The following CACNB2 variants were observed in gnomAD, a reference collection of about 807,000 sequenced individuals.
CACNB2 encodes calcium voltage-gated channel auxiliary subunit beta 2, also known as voltage-dependent L-type calcium channel subunit beta-2.
Under a neutral mutation model 73.3 loss-of-function variants are expected in CACNB2, and 42 were observed. The observed-to-expected ratio is 0.57, with a 90% confidence interval of 0.45 to 0.74. CACNB2 has a LOEUF of 0.74. Ranked by LOEUF, CACNB2 falls within the 30% of genes least tolerant of loss-of-function variation. CACNB2 has a pLI of 0.00. For synonymous variants in CACNB2, 348 were observed against 310.3 expected (o/e 1.12, Z -1.28); for missense variants, 940 against 853.0 (o/e 1.10, Z -1.27).
intron 2 of CACNB2, among the ~76,000 whole-genome samples, chr10:18,212,591 A>AT (rs1253260225): frequency 6.6e-6 from 1 of 151,922 alleles, no homozygotes; most frequent in Non-Finnish European, 1.5e-5. Context: ...TACTGCTAAT[A>AT]TTTTTTTAAA....
At chr10:18,373,215 G>A (rs572031018) in intron 2 of CACNB2, among the ~76,000 whole-genome samples, 1 of 152,226 alleles carries the variant, frequency 6.6e-6, no homozygotes, top group South Asian at 2.1e-4. Context: ...TGTGTTAGAG[G>A]CAGAAACTTA....
chr10:18,205,674 T>C (rs2035058907), intron 2 of CACNB2, among the ~76,000 whole-genome samples: 4 of 152,200 alleles, frequency 2.6e-5, no homozygotes, highest in Admixed American at 2.6e-4. Flanking sequence ...ACCACACTTC[T>C]GAGTCTTAGA....
chr10:18,244,344 A>G (rs1181703714), intron 2 of CACNB2, among the ~76,000 whole-genome samples: 1 of 152,250 alleles, frequency 6.6e-6, no homozygotes, highest in Non-Finnish European at 1.5e-5. Flanking sequence ...CTTTAAAAAC[A>G]TCATTTAAAA....
chr10:18,367,938 G>A (rs964981161), intron 2 of CACNB2, among the ~76,000 whole-genome samples: 2 of 152,116 alleles, frequency 1.3e-5, no homozygotes, highest in African/African-American at 2.4e-5. Flanking sequence ...GTTAAGAAAC[G>A]AACCTATGTT....
At chr10:18,528,700 C>G (rs2052714302) in intron 10 of CACNB2, among the ~76,000 whole-genome samples, 1 of 82,832 alleles carries the variant, frequency 1.2e-5, no homozygotes, top group Admixed American at 1.2e-4. Flanking sequence ...GTTGGCAAAA[C>G]TTCAGTAACA....
At chr10:18,421,860 T>C (rs1422459913) in intron 3 of CACNB2, among the ~76,000 whole-genome samples, 8 of 152,176 alleles carry the variant, frequency 5.3e-5, no homozygotes, top group Non-Finnish European at 1.0e-4. Flanking sequence ...CTATGGAACG[T>C]TGGGGTGTAT....
rs1045210397 is a variant in CACNB2, at chr10:18,355,173, G to A, written c.214-46751G>A. ...GAAATCTGAAACACTTCTGTCCCAG[G>A]CATTTCAGGTAAGGGATACTCTGCA... On this transcript the variant is annotated intron_variant, in intron 2 of 13. Transcript: ENST00000324631. Among the ~76,000 whole-genome samples the A allele has an allele frequency of 2.0e-5, 3 of 150,706 alleles. No homozygotes were observed. In the Admixed American group the frequency reaches 2.0e-4, roughly 10 times the overall value.
At chr10:18,506,602 C>A in intron 6 of CACNB2, 55 bp downstream of exon 6, 1 of 1,120,954 alleles carries the variant, frequency 8.9e-7, no homozygotes, top group Non-Finnish European at 1.4e-6. Context: ...CTTTCCCCAG[C>A]TCTATCCAGT....
At chr10:18,461,926 A>G (rs73605723) in intron 3 of CACNB2, among the ~76,000 whole-genome samples, 8,706 of 152,094 alleles carry the variant, frequency 0.057, 863 homozygotes, top group African/African-American at 0.2. Flanking sequence ...GGCATCTGCA[A>G]ACTTTCCTGG....
At chr10:18,449,342 G>A (rs769508617) in intron 3 of CACNB2, among the ~76,000 whole-genome samples, 40 of 152,162 alleles carry the variant, frequency 2.6e-4, no homozygotes, top group Non-Finnish European at 5.3e-4. Context: ...CCGAGATCGC[G>A]CCACTGCACT....
At chr10:18,502,637 G>A (rs2050259488) in intron 5 of CACNB2, among the ~76,000 whole-genome samples, 1 of 127,820 alleles carries the variant, frequency 7.8e-6, no homozygotes, top group Admixed American at 9.9e-5. Flanking sequence ...GTTGAAGTGA[G>A]CCAAGATCGC....
At chr10:18,469,652 C>A (rs1024473433) in intron 3 of CACNB2, among the ~76,000 whole-genome samples, 1 of 152,206 alleles carries the variant, frequency 6.6e-6, no homozygotes, top group Non-Finnish European at 1.5e-5. Context: ...CTTAATTTTA[C>A]ATTTGTACAA....
At chr10:18,145,035 A>G (rs1189605339) in intron 1 of CACNB2, among the ~76,000 whole-genome samples, 1 of 152,152 alleles carries the variant, frequency 6.6e-6, no homozygotes, top group African/African-American at 2.4e-5. Flanking sequence ...CCTCAGAGAG[A>G]TTGTCAGTGG....
chr10:18,210,345 G>A (rs2035267692), intron 2 of CACNB2, among the ~76,000 whole-genome samples: 1 of 152,154 alleles, frequency 6.6e-6, no homozygotes, highest in South Asian at 2.1e-4. Context: ...CAATTTTAGA[G>A]TAGTTATAAA....
intron 2 of CACNB2, among the ~76,000 whole-genome samples, chr10:18,160,822 C>A: frequency 6.6e-6 from 1 of 152,254 alleles, no homozygotes; most frequent in East Asian, 1.9e-4. Flanking sequence ...TTTCTGGAAT[C>A]TTCACATTTG....
chr10:18,141,424 G>A (rs561736806), intron 1 of CACNB2, among the ~76,000 whole-genome samples: 225 of 152,344 alleles, frequency 1.5e-3, no homozygotes, highest in African/African-American at 5.1e-3. Flanking sequence ...CAGCTCTCCA[G>A]TCCCCTCGGG....
At chr10:18,488,948 C>A (rs748643810) in intron 3 of CACNB2, among the ~76,000 whole-genome samples, 2 of 151,376 alleles carry the variant, frequency 1.3e-5, no homozygotes, top group Non-Finnish European at 2.9e-5. Flanking sequence ...GAGGCCAAGG[C>A]GGGTAGATCA....
At chr10:18,293,514 T>C (rs2039152280) in intron 2 of CACNB2, among the ~76,000 whole-genome samples, 1 of 152,250 alleles carries the variant, frequency 6.6e-6, no homozygotes. Flanking sequence ...ATGGCATGTT[T>C]CTACCATGAA....
chr10:18,430,181 C>T (rs925139157), intron 3 of CACNB2, among the ~76,000 whole-genome samples: 10 of 151,078 alleles, frequency 6.6e-5, no homozygotes, highest in Admixed American at 1.3e-4. Flanking sequence ...AAGAAGAAAC[C>T]GTGTTTTTTA....
Sources: gnomAD v4.1 joint callset for allele counts (sites outside exome capture counted in the v4.1 genomes callset) on GRCh38, gnomAD v4.1.1 for gene constraint, MANE v1.5 for transcripts, NCBI Gene and HGNC (gene_info 2026-07-23, HGNC 2026-07-21) for gene names.